Variants in CAMK4 observed in about 807,000 individuals in gnomAD.
The protein encoded by CAMK4 is calcium/calmodulin-dependent protein kinase type IV.
In CAMK4, 22 loss-of-function variants were observed where a neutral mutation model predicts 44.9. The observed-to-expected ratio is 0.49, with a 90% confidence interval of 0.35 to 0.70. The LOEUF (loss-of-function observed/expected upper bound fraction) is 0.70, where lower values mean the gene tolerates loss of function less well. Ranked by LOEUF, CAMK4 falls within the 30% of genes least tolerant of loss-of-function variation. The pLI is 0.01. For synonymous variants in CAMK4, 218 were observed against 215.4 expected, an observed-to-expected ratio of 1.01 and a Z score of -0.11; for missense variants, 498 against 586.8, an observed-to-expected ratio of 0.85 and a Z score of 1.56.
At chr5:111,308,715 A>G (rs1748054444) in intron 1 of CAMK4, among the ~76,000 whole-genome samples, 1 of 152,328 alleles carries the variant, frequency 6.6e-6, no homozygotes, top group South Asian at 2.1e-4. Flanking sequence ...CATTTATGTT[A>G]TGGAAAACAA....
At chr5:111,325,983 T>G (rs1359026373) in intron 1 of CAMK4, among the ~76,000 whole-genome samples, 1 of 152,108 alleles carries the variant, frequency 6.6e-6, no homozygotes, top group African/African-American at 2.4e-5. Context: ...AGGAAAATTT[T>G]AGCATTGAAT....
At chr5:111,283,790 C>T (rs911965810) in intron 1 of CAMK4, among the ~76,000 whole-genome samples, 1 of 152,174 alleles carries the variant, frequency 6.6e-6, no homozygotes, top group African/African-American at 2.4e-5. Flanking sequence ...CAATTTAAAA[C>T]ATACCATGGA....
At chr5:111,355,155 G>A (rs1190479285) in intron 2 of CAMK4, among the ~76,000 whole-genome samples, 1 of 152,060 alleles carries the variant, frequency 6.6e-6, no homozygotes, top group African/African-American at 2.4e-5. Context: ...AACACATTAA[G>A]GAAAGTAGCT....
chr5:111,410,260 G>A (rs565544370), intron 5 of CAMK4, among the ~76,000 whole-genome samples: 258 of 152,320 alleles, frequency 1.7e-3, no homozygotes, highest in Non-Finnish European at 2.4e-3. Context: ...CATGGCAGAA[G>A]GGGAAGCAAG....
chr5:111,455,424 A>G (rs1754379884), intron 7 of CAMK4, among the ~76,000 whole-genome samples: 1 of 152,164 alleles, frequency 6.6e-6, no homozygotes, highest in African/African-American at 2.4e-5. Flanking sequence ...AGGTGGTATA[A>G]TAAAGAGATG....
intron 1 of CAMK4, among the ~76,000 whole-genome samples, chr5:111,254,387 T>A (rs1749648120): frequency 1.3e-5 from 2 of 152,180 alleles, no homozygotes; most frequent in South Asian, 4.1e-4. Context: ...TGTGAGATGA[T>A]CCCAGATGTC....
rs1163336510 is a variant in CAMK4, at chr5:111,224,445, G to A, written c.-39G>A. 4 of 1,541,212 alleles carry A rather than the reference G, an allele frequency of 2.6e-6. No individual in the cohort carries two copies. Among genetic ancestry groups the A allele is most frequent in the East Asian group, 5.3e-5 (2 of 37,894 alleles). On this transcript the variant is annotated 5_prime_UTR_variant, in exon 1 of 11. Transcript: ENST00000282356. The surrounding 1 kb of genome is among the most constrained non-coding windows in gnomAD (Gnocchi z 5.7). ...GCCGGCTTCTCGCTCGGGCAGCGGC[G>A]GCGGCGGCGGCGGCGGCTTCCGGAG...
At chr5:111,344,170 T>A in intron 2 of CAMK4, 68 bp downstream of exon 2, 1 of 972,434 alleles carries the variant, frequency 1.0e-6, no homozygotes, top group Non-Finnish European at 1.6e-6. Context: ...GGAACCTGAT[T>A]TGAAGAACAA....
At position 111,494,598 on chromosome 5, in the gene CAMK4, C is replaced by G. The variant is rs1755998159; in HGVS notation, c.*10132C>G. On this transcript the variant is annotated 3_prime_UTR_variant, in exon 11 of 11. Transcript: ENST00000282356. ...GAGGCAGACCACATGAGAGCTGTGG[C>G]TTCTTCTTGGATTCAGGTTGGATAA... 1.4e-5 allele frequency: 2 copies of G among 145,230 alleles called. No individual in the cohort carries two copies. 9.0% of individuals were successfully genotyped at this position (145,230 alleles called of 1,614,324 possible).
chr5:111,241,241 A>G (rs1190034077), intron 1 of CAMK4, among the ~76,000 whole-genome samples: 1 of 151,912 alleles, frequency 6.6e-6, no homozygotes, highest in East Asian at 1.9e-4. Flanking sequence ...ATTGCATTTA[A>G]TTACCATGTC....
At chr5:111,436,909 T>A (rs1262113748) in intron 5 of CAMK4, among the ~76,000 whole-genome samples, 1 of 152,214 alleles carries the variant, frequency 6.6e-6, no homozygotes, top group Non-Finnish European at 1.5e-5. Flanking sequence ...CTTCAAAGCA[T>A]GTGAAGAAAT....
intron 4 of CAMK4, among the ~76,000 whole-genome samples, chr5:111,387,367 C>T (rs1751641017): frequency 6.6e-6 from 1 of 152,116 alleles, no homozygotes; most frequent in South Asian, 2.1e-4. Flanking sequence ...TTACGTGTCA[C>T]CTCATGAAAC....
intron 4 of CAMK4, among the ~76,000 whole-genome samples, chr5:111,385,404 T>G (rs1751562187): frequency 6.6e-6 from 1 of 152,126 alleles, no homozygotes; most frequent in Admixed American, 6.6e-5. Flanking sequence ...AAGGGCCTAT[T>G]GTGGCAAAAT....
intron 1 of CAMK4, among the ~76,000 whole-genome samples, chr5:111,267,417 T>G (rs1750296199): frequency 6.6e-6 from 1 of 152,160 alleles, no homozygotes; most frequent in Non-Finnish European, 1.5e-5. Context: ...TCCTTCTACA[T>G]TAAGAATTTT....
intron 1 of CAMK4, among the ~76,000 whole-genome samples, chr5:111,279,722 GTA>G (rs1221151650): frequency 1.3e-5 from 2 of 151,784 alleles, no homozygotes; most frequent in East Asian, 3.8e-4. Context: ...CACAGTGTGT[GTA>G]TGTGTGTATG....
chr5:111,308,260 AAAT>A (rs1748023059), intron 1 of CAMK4, among the ~76,000 whole-genome samples: 3 of 151,796 alleles, frequency 2.0e-5, no homozygotes, highest in African/African-American at 7.3e-5. Flanking sequence ...TAAAAAAATA[AAAT>A]AAAATAAATG....
At chr5:111,232,247 T>C (rs1350545964) in intron 1 of CAMK4, among the ~76,000 whole-genome samples, 3 of 152,062 alleles carry the variant, frequency 2.0e-5, no homozygotes, top group African/African-American at 4.8e-5. Context: ...AACAATATAT[T>C]TAATAAAAGA....
At chr5:111,400,495 T>A (rs1248973490) in intron 5 of CAMK4, among the ~76,000 whole-genome samples, 1 of 152,168 alleles carries the variant, frequency 6.6e-6, no homozygotes, top group African/African-American at 2.4e-5. Flanking sequence ...ATTGAAAAGT[T>A]CTTGGGAAAT....
intron 5 of CAMK4, among the ~76,000 whole-genome samples, chr5:111,438,154 A>G (rs1463605678): frequency 6.6e-6 from 1 of 152,176 alleles, no homozygotes; most frequent in Non-Finnish European, 1.5e-5. Flanking sequence ...GGTGGAAGAA[A>G]TTGGAAGAGG....
Sources: gnomAD v4.1 joint callset for allele counts (sites outside exome capture counted in the v4.1 genomes callset) on GRCh38, gnomAD v4.1.1 for gene constraint, Gnocchi (gnomAD v3.1) non-coding constraint, MANE v1.5 for transcripts, NCBI Gene and HGNC (gene_info 2026-07-23, HGNC 2026-07-21) for gene names.